The following DCAF17 variants were observed in gnomAD, a reference collection of about 807,000 sequenced individuals.
DCAF17 encodes the protein DDB1 and CUL4 associated factor 17, also known as DDB1- and CUL4-associated factor 17.
Under a neutral mutation model 66.0 loss-of-function variants are expected in DCAF17, and 48 were observed. The ratio of observed to expected loss-of-function variants is 0.73; its 90% CI spans 0.58 to 0.92. The LOEUF is 0.92. Ranked by LOEUF, DCAF17 falls within the 40% of genes least tolerant of loss-of-function variation. DCAF17 has a pLI of 0.00. For missense variants in DCAF17, 562 were observed against 622.8 expected, an observed-to-expected ratio of 0.90 and a Z score of 1.04; for synonymous variants, 206 against 214.6, an observed-to-expected ratio of 0.96 and a Z score of 0.35.
At position 171,484,196 on chromosome 2, in the gene DCAF17, T is replaced by C. The variant is rs1055364460; in HGVS notation, c.*3082T>C. Reference sequence around the variant, plus strand: ...CATATTAATCATTTTTATATTTTCTTCTCCTTCTTACCATGTTTACTTATA... The same window carrying C: ...CATATTAATCATTTTTATATTTTCTCCTCCTTCTTACCATGTTTACTTATA... On this transcript the variant is annotated 3_prime_UTR_variant, in exon 14 of 14. Transcript: ENST00000375255. 2.2e-6 allele frequency: 1 copy of C among 449,096 alleles called. No homozygotes were observed. The highest frequency in any genetic ancestry group is 6.9e-5 in the East Asian group (1 of 14,396). The allele number at this position is 449,096 out of a possible 1,614,324, so 27.8% of individuals were successfully genotyped here.
intron 6 of DCAF17, among the ~76,000 whole-genome samples, chr2:171,456,520 T>G (rs1695271900): frequency 6.6e-6 from 1 of 152,232 alleles, no homozygotes; most frequent in Non-Finnish European, 1.5e-5. Flanking sequence ...TAAAATAGTT[T>G]TTTCTAGTTC....
intron 3 of DCAF17, among the ~76,000 whole-genome samples, chr2:171,446,674 T>C (rs569350621): frequency 6.6e-6 from 1 of 152,290 alleles, no homozygotes; most frequent in Non-Finnish European, 1.5e-5. Context: ...TTTTTAGGTT[T>C]CCAGGGGAAA....
At chr2:171,444,073 C>G (rs928368799) in intron 3 of DCAF17, among the ~76,000 whole-genome samples, 27 of 152,120 alleles carry the variant, frequency 1.8e-4, no homozygotes, top group South Asian at 1.7e-3. Flanking sequence ...GTATATTTTT[C>G]AAAACACTGT....
At chr2:171,456,193 G>T (rs1053605733) in intron 6 of DCAF17, among the ~76,000 whole-genome samples, 9 of 152,278 alleles carry the variant, frequency 5.9e-5, no homozygotes, top group African/African-American at 2.2e-4. Context: ...TTTTGCGTAT[G>T]GTGTAAGGAA....
At chr2:171,477,936 A>T (rs746656482) in intron 11 of DCAF17, 51 bp from the exon 12 acceptor site, 1 of 1,487,714 alleles carries the variant, frequency 6.7e-7, no homozygotes, top group Admixed American at 1.7e-5. Context: ...TTTACCTTTG[A>T]CTGCATGTAA....
At chr2:171,456,840 G>T (rs1036313257) in intron 6 of DCAF17, among the ~76,000 whole-genome samples, 1 of 152,198 alleles carries the variant, frequency 6.6e-6, no homozygotes. Flanking sequence ...TGTATCCTGA[G>T]ACTTTGCTGA....
chr2:171,479,692 A>G (rs1696652476), intron 12 of DCAF17: 1 of 316,186 alleles, frequency 3.2e-6, no homozygotes, highest in Non-Finnish European at 6.0e-6. Context: ...CTGTCCAGGA[A>G]TCAGCAAACA....
intron 9 of DCAF17, among the ~76,000 whole-genome samples, chr2:171,472,438 C>G (rs1696296803): frequency 6.6e-6 from 1 of 152,214 alleles, no homozygotes; most frequent in African/African-American, 2.4e-5. Context: ...CTCGGCCTCC[C>G]AAAGTGCTAG....
intron 8 of DCAF17, among the ~76,000 whole-genome samples, chr2:171,466,283 A>C (rs749618871): frequency 1.3e-5 from 2 of 152,218 alleles, no homozygotes; most frequent in Non-Finnish European, 2.9e-5. Context: ...TTCTTTGATA[A>C]ATAGTAAAGT....
At chr2:171,447,320 C>A in intron 3 of DCAF17, 1 of 286,910 alleles carries the variant, frequency 3.5e-6, no homozygotes, top group East Asian at 1.5e-4. Flanking sequence ...ACTTTTTGGC[C>A]TAAGCAGATA....
rs115037143 is a variant in DCAF17, at chr2:171,462,447, T to C, written c.838+3970T>C. On this transcript the variant is annotated intron_variant, in intron 8 of 13. Coordinates refer to ENST00000375255, the MANE Select transcript of DCAF17 (RefSeq NM_025000.4). ...AAAGAAACAGAAATATAAATGACTTTTAATTAGGGGAGTGCAAAGCTCAAT... is the reference window on the plus strand; with the variant it reads ...AAAGAAACAGAAATATAAATGACTTCTAATTAGGGGAGTGCAAAGCTCAAT... 3.8e-3 allele frequency among the ~76,000 whole-genome samples: 580 copies of C among 152,284 alleles called. 6 individuals are homozygous for C. Among genetic ancestry groups the C allele is most frequent in the African/African-American group, 0.013 (557 of 41,560 alleles).
intron 6 of DCAF17, 26 bp downstream of exon 6, chr2:171,453,239 G>A (rs1223577509): frequency 6.6e-7 from 1 of 1,505,348 alleles, no homozygotes; most frequent in Admixed American, 1.7e-5. Flanking sequence ...TTATTTAATT[G>A]CAATATTTTA....
At chr2:171,477,659 G>T (rs1053993346) in intron 11 of DCAF17, among the ~76,000 whole-genome samples, 17 of 152,126 alleles carry the variant, frequency 1.1e-4, no homozygotes, top group African/African-American at 4.1e-4. Flanking sequence ...AGGCATGGTG[G>T]TGTATGCCTG....
chr2:171,442,586 A>G (rs868142221), intron 2 of DCAF17, among the ~76,000 whole-genome samples: 4 of 150,574 alleles, frequency 2.7e-5, no homozygotes, highest in African/African-American at 9.8e-5. Flanking sequence ...AAAAAAAAGA[A>G]AGAAAGAAAA....
At chr2:171,450,108 T>C in intron 5 of DCAF17, 151 bp downstream of exon 5, 1 of 627,834 alleles carries the variant, frequency 1.6e-6, no homozygotes, top group South Asian at 1.8e-5. Flanking sequence ...CGGAGACCAT[T>C]ATTCTAAGTG....
chr2:171,453,517 G>A (rs1055321903), intron 6 of DCAF17, among the ~76,000 whole-genome samples: 2 of 151,764 alleles, frequency 1.3e-5, no homozygotes, highest in African/African-American at 2.4e-5. Context: ...TCCAAAGCTT[G>A]TTAAAAAGAT....
At chr2:171,466,853 T>C (rs916296154) in intron 8 of DCAF17, among the ~76,000 whole-genome samples, 5 of 151,846 alleles carry the variant, frequency 3.3e-5, no homozygotes, top group Non-Finnish European at 4.4e-5. Context: ...CCAACTCTAA[T>C]TGTATGTTTT....
At chr2:171,435,251 A>G (rs903068582) in intron 2 of DCAF17, 65 bp downstream of exon 2, 24 of 1,220,338 alleles carry the variant, frequency 2.0e-5, no homozygotes, top group Non-Finnish European at 2.4e-6. Flanking sequence ...TAATTTGTAT[A>G]GAACCACATG....
At chr2:171,438,680 G>A (rs1045252741) in intron 2 of DCAF17, among the ~76,000 whole-genome samples, 7 of 151,906 alleles carry the variant, frequency 4.6e-5, no homozygotes, top group Non-Finnish European at 8.8e-5. Context: ...GCTTTCTTTT[G>A]TTTAGTGTTT....
Sources: gnomAD v4.1 joint callset for allele counts (sites outside exome capture counted in the v4.1 genomes callset) on GRCh38, gnomAD v4.1.1 for gene constraint, MANE v1.5 for transcripts, NCBI Gene and HGNC (gene_info 2026-07-23, HGNC 2026-07-21) for gene names.